The following ZNF76 variants were observed in gnomAD, a reference collection of about 807,000 sequenced individuals.
ZNF76 encodes zinc finger protein 76, also known as zinc finger protein 523.
A neutral mutation model predicts 66.9 loss-of-function variants in ZNF76; 66 were observed. That is an observed-to-expected ratio of 0.99 (90% CI 0.81 to 1.21). ZNF76 has a LOEUF of 1.21. Among genes scored for constraint, ZNF76 ranks in the 50% most tolerant of loss-of-function variants. The pLI, the probability that ZNF76 is intolerant of heterozygous loss-of-function variation, is 0.00. For missense variants in ZNF76, 729 were observed against 760.3 expected (o/e 0.96, Z 0.48); for synonymous variants, 275 against 296.1 (o/e 0.93, Z 0.73).
intron 6 of ZNF76, 41 bp from the exon 7 acceptor site, chr6:35,290,600 A>G: frequency 6.2e-7 from 1 of 1,609,980 alleles, no homozygotes; most frequent in East Asian, 2.2e-5. Flanking sequence ...CCCTGGTCAT[A>G]CCCTTGCTCC....
intron 6 of ZNF76, 34 bp downstream of exon 6, chr6:35,290,416 A>C (rs931906839): frequency 6.2e-7 from 1 of 1,609,724 alleles, no homozygotes; most frequent in African/African-American, 1.3e-5. Flanking sequence ...TCAGCTCTGC[A>C]GTCTTCCCTC....
chr6:35,295,642 A>C lies in ZNF76; in HGVS notation c.*394A>C. 3.4e-6 allele frequency: 1 copy of C among 290,226 alleles called. No homozygotes were observed. The highest frequency in any genetic ancestry group is 7.0e-6 in the Non-Finnish European group (1 of 142,454). 18.0% of individuals were successfully genotyped at this position (290,226 alleles called of 1,614,324 possible). On this transcript the variant is annotated 3_prime_UTR_variant, in exon 14 of 14. Transcript: ENST00000373953. ...TGAGCCACAGACAGCTCTTCAGCCCAGTAGCAGTGGAGCAGGCCCTGTCCT... is the reference window on the plus strand; with the variant it reads ...TGAGCCACAGACAGCTCTTCAGCCCCGTAGCAGTGGAGCAGGCCCTGTCCT...
In ZNF76 at chr6:35,291,682, T is replaced by C; in HGVS notation, c.876T>C (p.Cys292=). ...CCTACACCTGCCCGGAGCCCCACTGTGGCCGCGGCTTCACCAGCGCCACCA... is the reference window on the plus strand; with the variant it reads ...CCTACACCTGCCCGGAGCCCCACTGCGGCCGCGGCTTCACCAGCGCCACCA... ...ERPYTCPEPH[C]GRGFTSATNY... The change falls in exon 9 of 14, where the codon TGT becomes TGC. Residue 292 remains cysteine (C), a synonymous_variant. Coordinates refer to ENST00000373953, the MANE Select transcript of ZNF76 (RefSeq NM_003427.5). The C allele has an allele frequency of 6.2e-7, 1 of 1,613,552 alleles. No individual in the cohort carries two copies. Among genetic ancestry groups the C allele is most frequent in the Non-Finnish European group, 8.5e-7 (1 of 1,180,002 alleles).
intron 1 of ZNF76, among the ~76,000 whole-genome samples, chr6:35,280,424 T>C (rs1788585954): frequency 1.3e-5 from 2 of 151,610 alleles, no homozygotes; most frequent in Non-Finnish European, 2.9e-5. Context: ...ACATAAGTTA[T>C]AAGGCTCCTT....
chr6:35,290,665 G>A lies in ZNF76; in HGVS notation c.574G>A (p.Asp192Asn). Residue 192 changes from aspartate (D) to asparagine (N), a missense_variant, in exon 7 of 14, where the codon GAC (aspartate) becomes AAC (asparagine). By Grantham distance (23) the Asp-to-Asn change is conservative. Coordinates refer to ENST00000373953, the MANE Select transcript of ZNF76 (RefSeq NM_003427.5). ...GGTGCATGAACGAGCTCATACAGGT[G>A]ACCGTCCATACAGATGTGACTTCCC... ...LKVHERAHTG[D>N]RPYRCDFPSC... is the part of the protein sequence containing the mutation. The A allele has an allele frequency of 6.2e-7, 1 of 1,614,196 alleles. No homozygotes were observed. The highest frequency in any genetic ancestry group is 8.5e-7 in the Non-Finnish European group (1 of 1,180,026).
At chr6:35,261,956 A>C (rs1785316637) in intron 1 of ZNF76, among the ~76,000 whole-genome samples, 1 of 152,198 alleles carries the variant, frequency 6.6e-6, no homozygotes, top group African/African-American at 2.4e-5. Flanking sequence ...TTCATGGCTT[A>C]GGCCCCTATA....
At chr6:35,294,180 T>G (rs1790850543) in intron 12 of ZNF76, 3 of 584,734 alleles carry the variant, frequency 5.1e-6, no homozygotes. Flanking sequence ...CATGGACTTC[T>G]GTCCATTTTC....
intron 2 of ZNF76, 87 bp from the exon 3 acceptor site, chr6:35,286,041 T>C: frequency 2.4e-6 from 3 of 1,273,354 alleles, no homozygotes; most frequent in Admixed American, 1.7e-5. Context: ...GCCTAGAGAC[T>C]CAAATAAGCC....
Position 35,292,634 on chromosome 6 carries a change from G to T in ZNF76, c.1012G>T (p.Val338Leu). 6.2e-7 allele frequency: 1 copy of T among 1,614,042 alleles called. No individual in the cohort carries two copies. The highest frequency in any genetic ancestry group is 1.3e-5 in the African/African-American group (1 of 75,024). ...EYSSLYKHHV[V>L]HTHCKPYTCS... ...CTCGAGCTTGTATAAGCACCACGTG[G>T]TGCACACACACTGCAAGCCCTACAC... The change falls in exon 10 of 14, where the codon GTG becomes TTG. Residue 338 changes from valine to leucine, a missense_variant. By Grantham distance (32) the Val-to-Leu change is conservative (BLOSUM62 1). Coordinates refer to ENST00000373953, the MANE Select transcript of ZNF76 (RefSeq NM_003427.5). The surrounding 1 kb of genome is among the most constrained non-coding windows in gnomAD (Gnocchi z 4.7).
In ZNF76 at chr6:35,293,791, C is replaced by T. The variant is rs139163792; in HGVS notation, c.1370C>T (p.Ala457Val). ...SPEDLQALGS[A>V]ISMVTQHGST... ...GAAGACCTGCAGGCCCTGGGGAGTG[C>T]CATCAGTATGGTCACCCAGCACGGC... Residue 457 changes from alanine to valine, a missense_variant, in exon 12 of 14, where the codon GCC (alanine) becomes GTC (valine). Physicochemically the swap from Ala to Val is moderately conservative, Grantham distance 64. Transcript: ENST00000373953. The T allele has an allele frequency of 2.5e-6, 4 of 1,614,100 alleles. No homozygotes were observed. The highest frequency in any genetic ancestry group is 3.4e-6 in the Non-Finnish European group (4 of 1,180,014).
At chr6:35,274,953 G>A (rs954583121) in intron 1 of ZNF76, among the ~76,000 whole-genome samples, 1 of 152,060 alleles carries the variant, frequency 6.6e-6, no homozygotes, top group Admixed American at 6.6e-5. Flanking sequence ...AGGAGTTCGA[G>A]ATCAGCCTAA....
rs1385574280 is a variant in ZNF76 at position 35,292,332 on chromosome 6, G to C, written c.932-222G>C. On this transcript the variant is annotated intron_variant, in intron 9 of 13. Transcript: ENST00000373953. This position sits in a 1 kb window ranked among gnomAD's most constrained non-coding sequence, Gnocchi z 4.7. The stretch of plus-strand genomic sequence containing the variant: ...TAGCCCCAGCCTTGCCCTGTCCCCC[G>C]TTTCCTTTCCGCCTTGTCTCTGGAT... 16 of 527,292 alleles carry C rather than the reference G, an allele frequency of 3.0e-5. No individual in the cohort carries two copies. The highest frequency in any genetic ancestry group is 2.1e-4 in the South Asian group (10 of 47,716). The allele number at this position is 527,292 out of a possible 1,614,324, so 32.7% of individuals were successfully genotyped here.
chr6:35,283,807 G>T (rs1789130293), intron 2 of ZNF76, among the ~76,000 whole-genome samples: 1 of 152,178 alleles, frequency 6.6e-6, no homozygotes, highest in Non-Finnish European at 1.5e-5. Flanking sequence ...CTGCTCTGTG[G>T]GTGGGAGGGA....
chr6:35,288,155 T>A (rs980317087), intron 5 of ZNF76: 1 of 571,020 alleles, frequency 1.8e-6, no homozygotes, highest in Non-Finnish European at 3.3e-6. Context: ...TGCTGAGGAG[T>A]TAGGCCCAGC....
At chr6:35,262,763 G>T (rs1888825) in intron 1 of ZNF76, among the ~76,000 whole-genome samples, 103,065 of 151,980 alleles carry the variant, frequency 0.68, 38,049 homozygotes, top group Non-Finnish European at 0.82. Flanking sequence ...CAATGGAATC[G>T]GCTCCTTCCA....
rs1168180877 is a variant in ZNF76 at position 35,287,873 on chromosome 6, G to T, written c.432+28G>T. ...GAGCACGCACAGCGTGACACGGTCT[G>T]TCACTCTAGACAACCGGGCCTGGCC... On this transcript the variant is annotated intron_variant, in intron 5 of 13. Transcript: ENST00000373953. This position sits in a 1 kb window ranked among gnomAD's most constrained non-coding sequence, Gnocchi z 4.0. 13 of 1,559,358 alleles carry T rather than the reference G, an allele frequency of 8.3e-6. No individual in the cohort carries two copies. Among genetic ancestry groups the T allele is most frequent in the Non-Finnish European group, 1.0e-5 (12 of 1,152,046 alleles).
chr6:35,282,904 G>A (rs532366408), intron 2 of ZNF76, among the ~76,000 whole-genome samples: 1 of 152,100 alleles, frequency 6.6e-6, no homozygotes, highest in South Asian at 2.1e-4. Context: ...GTTCTTGTTG[G>A]CTTCATCTTC....
chr6:35,291,860 C>T, intron 9 of ZNF76, 123 bp downstream of exon 9: 8 of 1,200,560 alleles, frequency 6.7e-6, no homozygotes, highest in Non-Finnish European at 9.4e-6. Flanking sequence ...CCATTCCAGG[C>T]TGGTCTGGGG....
intron 1 of ZNF76, chr6:35,279,560 T>C (rs1788441828): frequency 6.6e-6 from 1 of 151,440 alleles, no homozygotes; most frequent in African/African-American, 2.4e-5. Flanking sequence ...CCCAAGTAGC[T>C]GGGACTACAG....
Sources: gnomAD v4.1 joint callset for allele counts (sites outside exome capture counted in the v4.1 genomes callset) on GRCh38, gnomAD v4.1.1 for gene constraint, Gnocchi (gnomAD v3.1) non-coding constraint, MANE v1.5 for transcripts, NCBI Gene and HGNC (gene_info 2026-07-23, HGNC 2026-07-21) for gene names.